CPNE4: variants seen among roughly 807,000 people sequenced by gnomAD.
CPNE4 encodes the protein copine-4.
A neutral mutation model predicts 67.9 loss-of-function variants in CPNE4; 25 were observed. The observed-to-expected ratio is 0.37, with a 90% CI of 0.27 to 0.51. CPNE4 has a LOEUF of 0.51. Ranked by LOEUF, CPNE4 falls within the 20% of genes least tolerant of loss-of-function variation. The probability of loss-of-function intolerance (pLI) is 0.93; values close to 1 mark genes in which losing one functional copy is unlikely to be tolerated. For missense variants in CPNE4, 464 were observed against 690.8 expected (o/e 0.67, Z 3.68); for synonymous variants, 242 against 244.9 (o/e 0.99, Z 0.11).
chr3:131,922,629 A>G (rs1381033605), intron 1 of CPNE4, among the ~76,000 whole-genome samples: 3 of 152,230 alleles, frequency 2.0e-5, no homozygotes, highest in Admixed American at 6.5e-5. Context: ...GCTACATAAC[A>G]TATGGTTGAA....
At chr3:131,764,726 G>T (rs964383762) in intron 2 of CPNE4, among the ~76,000 whole-genome samples, 1 of 152,092 alleles carries the variant, frequency 6.6e-6, no homozygotes, top group Non-Finnish European at 1.5e-5. Flanking sequence ...AGACTGCTTT[G>T]TCCATTTAGC....
chr3:132,034,937 AGGGTGGCAGAAAGAGAAGGGGACGAGC>A lies in CPNE4; in HGVS notation c.-399_-373del. Reference sequence around the variant, plus strand: ...AGTGGAGCGAGGGAGGAAGGAAAGGAGGGTGGCAGAAAGAGAAGGGGACGAGCGGGTGGCGGGGAGATGGCAGCTTCT... The same window carrying A: ...AGTGGAGCGAGGGAGGAAGGAAAGGAGGGTGGCGGGGAGATGGCAGCTTCT... On this transcript the variant is annotated 5_prime_UTR_variant, in exon 1 of 16. Coordinates refer to ENST00000429747, the MANE Select transcript of CPNE4 (RefSeq NM_130808.3). The A allele has an allele frequency of 2.0e-6, 2 of 985,368 alleles. No individual in the cohort carries two copies. Among genetic ancestry groups the A allele is most frequent in the Non-Finnish European group, 2.4e-6 (2 of 829,998 alleles). The allele number at this position is 985,368 out of a possible 1,614,324, so 61.0% of individuals were successfully genotyped here.
At chr3:131,944,368 A>T (rs1010630195) in intron 1 of CPNE4, among the ~76,000 whole-genome samples, 6 of 152,112 alleles carry the variant, frequency 3.9e-5, no homozygotes, top group Admixed American at 2.6e-4. Flanking sequence ...CTTAAATAAC[A>T]TCCAGAAAAG....
intron 2 of CPNE4, among the ~76,000 whole-genome samples, chr3:131,792,469 T>C (rs912812421): frequency 6.6e-6 from 1 of 151,164 alleles, no homozygotes; most frequent in Non-Finnish European, 1.5e-5. Context: ...TGAAATACCA[T>C]CTATATACCA....
intron 3 of CPNE4, among the ~76,000 whole-genome samples, chr3:131,716,931 C>A (rs1259296706): frequency 6.6e-6 from 1 of 152,260 alleles, no homozygotes; most frequent in Non-Finnish European, 1.5e-5. Flanking sequence ...CAGACTCTGA[C>A]CCTGCCCTGC....
At chr3:131,914,774 C>T (rs1461466205) in intron 1 of CPNE4, among the ~76,000 whole-genome samples, 5 of 152,188 alleles carry the variant, frequency 3.3e-5, no homozygotes, top group African/African-American at 4.8e-5. Context: ...GTTGGGAGTT[C>T]GAGACCAGCC....
intron 10 of CPNE4, among the ~76,000 whole-genome samples, chr3:131,572,589 G>GGGAGAGTGGAGAAGGAT (rs1937393053): frequency 6.6e-6 from 1 of 152,028 alleles, no homozygotes; most frequent in African/African-American, 2.4e-5. Flanking sequence ...GGGCACAGAA[G>GGGAGAGTGGAGAAGGAT]GGAGAGTGGA....
intron 7 of CPNE4, among the ~76,000 whole-genome samples, chr3:131,642,851 T>A (rs1193940558): frequency 6.6e-6 from 1 of 152,184 alleles, no homozygotes; most frequent in African/African-American, 2.4e-5. Context: ...CATCTTTCCT[T>A]TATAAATAAC....
At chr3:131,911,680 C>A (rs1283986940) in intron 1 of CPNE4, among the ~76,000 whole-genome samples, 1 of 151,814 alleles carries the variant, frequency 6.6e-6, no homozygotes, top group African/African-American at 2.4e-5. Flanking sequence ...ATGAAGCCAA[C>A]ATAAACCTTC....
intron 1 of CPNE4, among the ~76,000 whole-genome samples, chr3:131,971,642 CT>C (rs1231011142): frequency 6.6e-6 from 1 of 152,134 alleles, no homozygotes; most frequent in Non-Finnish European, 1.5e-5. Flanking sequence ...CACTCTCTAC[CT>C]TTGCTATATT....
intron 2 of CPNE4, among the ~76,000 whole-genome samples, chr3:131,756,919 A>G (rs2082765224): frequency 1.3e-5 from 2 of 152,084 alleles, no homozygotes; most frequent in Admixed American, 1.3e-4. Flanking sequence ...TTTATCAGGG[A>G]TTTCTGCTTT....
chr3:131,628,395 A>G (rs1164862069), intron 7 of CPNE4, among the ~76,000 whole-genome samples: 2 of 152,164 alleles, frequency 1.3e-5, no homozygotes, highest in Non-Finnish European at 2.9e-5. Context: ...AAAAGCAGAA[A>G]CCGCTGATAA....
rs200430406 is a variant in CPNE4 at position 131,575,057 on chromosome 3, T to C, written c.927+14A>G. 7.6e-5 allele frequency: 123 copies of C among 1,609,974 alleles called. 1 individual carries two copies. The African/African-American group carries it at 1.6e-3, about 21-fold the overall frequency. ...CTGAATAAGAATCAAGGAATCAACA[T>C]GAAAACAACTTACTGTAAACTGGAT... On this transcript the variant is annotated intron_variant, in intron 10 of 15. Coordinates refer to ENST00000429747, the MANE Select transcript of CPNE4 (RefSeq NM_130808.3).
intron 1 of CPNE4, among the ~76,000 whole-genome samples, chr3:132,015,717 C>T (rs577075894): frequency 1.2e-4 from 19 of 152,338 alleles, no homozygotes; most frequent in Admixed American, 9.8e-4. Context: ...CTATATCTCC[C>T]AAGCAATGCT....
chr3:131,906,940 C>CAG (rs2088793722), intron 1 of CPNE4, among the ~76,000 whole-genome samples: 1 of 151,874 alleles, frequency 6.6e-6, no homozygotes, highest in Non-Finnish European at 1.5e-5. Flanking sequence ...TTAATGATTG[C>CAG]CATTCTAACT....
intron 9 of CPNE4, among the ~76,000 whole-genome samples, chr3:131,580,389 TA>T (rs1356313081): frequency 8.9e-4 from 3 of 3,382 alleles, no homozygotes; most frequent in African/African-American, 1.2e-3. Context: ...CATTGGCCTC[TA>T]TACATATACA....
intron 7 of CPNE4, among the ~76,000 whole-genome samples, chr3:131,590,801 T>C (rs1240279606): frequency 6.6e-6 from 1 of 152,182 alleles, no homozygotes; most frequent in African/African-American, 2.4e-5. Context: ...AATTCAGAAA[T>C]GCTAAGATTA....
At chr3:131,905,187 T>G in intron 2 of CPNE4, 77 bp downstream of exon 2, 2 of 1,274,076 alleles carry the variant, frequency 1.6e-6, no homozygotes, top group Non-Finnish European at 1.1e-6. Flanking sequence ...ATAAACCACC[T>G]GAAGATATAA....
intron 7 of CPNE4, among the ~76,000 whole-genome samples, chr3:131,667,169 A>G (rs960859444): frequency 6.6e-6 from 1 of 152,134 alleles, no homozygotes; most frequent in Non-Finnish European, 1.5e-5. Context: ...ACAGATTTTC[A>G]TGGACCCTAA....
Sources: allele counts gnomAD v4.1 joint callset (sites outside exome capture counted in the v4.1 genomes callset), GRCh38; gene constraint gnomAD v4.1.1; transcripts MANE v1.5; gene names NCBI Gene and HGNC (gene_info 2026-07-23, HGNC 2026-07-21).